Variants in ATG10 observed in about 807,000 individuals in gnomAD.
The protein encoded by ATG10 is ubiquitin-like-conjugating enzyme ATG10.
Under a neutral mutation model 32.1 loss-of-function variants are expected in ATG10, and 30 were observed. That is an observed-to-expected ratio of 0.94 (90% CI 0.70 to 1.27). The LOEUF (loss-of-function observed/expected upper bound fraction) is 1.27, where lower values mean the gene tolerates loss of function less well. Ranked by LOEUF, ATG10 falls within the 50% of genes most tolerant of loss-of-function variation. The pLI, the probability that ATG10 is intolerant of heterozygous loss-of-function variation, is 0.00. For synonymous variants in ATG10, 87 were observed against 91.5 expected, an observed-to-expected ratio of 0.95 and a Z score of 0.28; for missense variants, 233 against 262.3, an observed-to-expected ratio of 0.89 and a Z score of 0.77.
intron 5 of ATG10, among the ~76,000 whole-genome samples, chr5:82,234,580 C>G (rs1746488790): frequency 6.6e-6 from 1 of 152,224 alleles, no homozygotes; most frequent in African/African-American, 2.4e-5. Flanking sequence ...CACGCTAGCT[C>G]TGAAAAGATT....
At position 82,091,379 on chromosome 5, in the gene ATG10, C is replaced by CTT. The variant is rs535670575; in HGVS notation, c.216+32784_216+32785dup. Among the ~76,000 whole-genome samples, 367 of 151,812 alleles carry CTT rather than the reference C, an allele frequency of 2.4e-3. 2 individuals are homozygous for CTT. The highest frequency in any genetic ancestry group is 8.5e-3 in the African/African-American group (353 of 41,398). On this transcript the variant is annotated intron_variant, in intron 3 of 7. Transcript: ENST00000282185. ...GCCACCATGCCTGACTTATTTCTGC[C>CTT]TTTTTTTTAGCTTTTTTCCTCTCCA...
chr5:81,994,280 T>G (rs973466795), intron 2 of ATG10, among the ~76,000 whole-genome samples: 1 of 152,228 alleles, frequency 6.6e-6, no homozygotes, highest in Non-Finnish European at 1.5e-5. Flanking sequence ...TCCTGCTACC[T>G]TTCTAGCTTC....
chr5:82,177,596 T>C (rs898527355), intron 4 of ATG10, among the ~76,000 whole-genome samples: 2 of 152,122 alleles, frequency 1.3e-5, no homozygotes, highest in African/African-American at 4.8e-5. Context: ...TCCAGTAGTG[T>C]ATGGTTTGAA....
rs542206835 is a variant in ATG10 at position 81,996,872 on chromosome 5, A to C, written c.108+9194A>C. Among the ~76,000 whole-genome samples, 147 of 152,338 alleles carry C rather than the reference A, an allele frequency of 9.6e-4. 1 individual carries two copies. Among genetic ancestry groups the C allele is most frequent in the Non-Finnish European group, 1.7e-3 (117 of 68,032 alleles). On this transcript the variant is annotated intron_variant, in intron 2 of 7. Transcript: ENST00000282185. ...AGTTACCATGTACATGATTATAAGG[A>C]TAATGAGAAAACAAATATGAAAGTA... is the stretch of plus-strand genomic sequence containing the variant.
intron 2 of ATG10, chr5:82,009,762 T>A (rs1032148580): frequency 1.2e-6 from 2 of 1,606,252 alleles, no homozygotes; most frequent in African/African-American, 1.3e-5. Context: ...GATGAAAAAC[T>A]GGGAGCCATT....
intron 2 of ATG10, among the ~76,000 whole-genome samples, chr5:82,055,803 A>G (rs542967104): frequency 1.3e-5 from 2 of 152,332 alleles, no homozygotes; most frequent in Admixed American, 6.5e-5. Context: ...CAGTGTTCCC[A>G]TGAGATTATA....
chr5:82,037,224 A>G (rs1161043420), intron 2 of ATG10, among the ~76,000 whole-genome samples: 1 of 120,980 alleles, frequency 8.3e-6, no homozygotes, highest in Non-Finnish European at 1.7e-5. Flanking sequence ...TTGTAATAAG[A>G]TCTCATTTAC....
At chr5:82,209,708 T>C (rs1745426013) in intron 5 of ATG10, among the ~76,000 whole-genome samples, 2 of 152,238 alleles carry the variant, frequency 1.3e-5, no homozygotes, top group African/African-American at 4.8e-5. Context: ...TTCCTTTTAA[T>C]TTGTGGCTTG....
At chr5:82,056,993 GTAATTCCA>G (rs1485414604) in intron 2 of ATG10, among the ~76,000 whole-genome samples, 3 of 151,626 alleles carry the variant, frequency 2.0e-5, no homozygotes, top group Non-Finnish European at 4.4e-5. Context: ...ATTTAAAACA[GTAATTCCA>G]TCTACAAAAT....
chr5:82,182,108 G>A (rs554575634), intron 5 of ATG10, among the ~76,000 whole-genome samples: 2 of 152,098 alleles, frequency 1.3e-5, no homozygotes, highest in Non-Finnish European at 2.9e-5. Context: ...TCTTGGCATG[G>A]CCTAAAGTCA....
At chr5:82,087,004 A>C (rs536708740) in intron 3 of ATG10, among the ~76,000 whole-genome samples, 1 of 152,310 alleles carries the variant, frequency 6.6e-6, no homozygotes, top group South Asian at 2.1e-4. Flanking sequence ...TCTTTTCAAA[A>C]TAATTGCCTT....
chr5:81,995,849 C>G (rs139855868), intron 2 of ATG10, among the ~76,000 whole-genome samples: 93 of 152,172 alleles, frequency 6.1e-4, no homozygotes, highest in African/African-American at 2.0e-3. Flanking sequence ...ATTTAAAAGT[C>G]CAGTGTATAA....
At chr5:82,191,933 C>T (rs756451323) in intron 5 of ATG10, among the ~76,000 whole-genome samples, 3 of 152,308 alleles carry the variant, frequency 2.0e-5, no homozygotes, top group Non-Finnish European at 2.9e-5. Flanking sequence ...CCTTCCTGTA[C>T]AGCAGACACT....
chr5:82,196,270 AT>A (rs1744847927), intron 5 of ATG10, among the ~76,000 whole-genome samples: 2 of 152,116 alleles, frequency 1.3e-5, no homozygotes, highest in Admixed American at 1.3e-4. Context: ...TTTAAAGTAT[AT>A]TTTGAATACT....
intron 3 of ATG10, among the ~76,000 whole-genome samples, chr5:82,075,635 A>G (rs1764251195): frequency 6.6e-6 from 1 of 152,184 alleles, no homozygotes; most frequent in Middle Eastern, 3.2e-3. Flanking sequence ...TATTTTTTCA[A>G]AGCAAAAATG....
chr5:82,068,787 A>C (rs1240444504), intron 3 of ATG10, among the ~76,000 whole-genome samples: 1 of 149,162 alleles, frequency 6.7e-6, no homozygotes, highest in Non-Finnish European at 1.5e-5. Context: ...AAAAGACAAT[A>C]GGTTGTTGGG....
At chr5:82,251,180 G>A (rs562534946) in intron 5 of ATG10, among the ~76,000 whole-genome samples, 1 of 152,286 alleles carries the variant, frequency 6.6e-6, no homozygotes, top group Admixed American at 6.5e-5. Flanking sequence ...AATACAAGAG[G>A]AATTGTCCCT....
chr5:82,104,599 T>G (rs1306437093), intron 3 of ATG10, among the ~76,000 whole-genome samples: 3 of 152,098 alleles, frequency 2.0e-5, no homozygotes, highest in Non-Finnish European at 2.9e-5. Context: ...TCTGTACTGG[T>G]TTTGGTTGTC....
Position 82,252,578 on chromosome 5 carries a change from G to C in ATG10, c.470G>C (p.Gly157Ala), listed in dbSNP as rs764123535. The change falls in exon 6 of 8, where the codon GGG becomes GCG. Residue 157 changes from glycine (G) to alanine (A), a missense_variant. By Grantham distance (60) the Gly-to-Ala change is moderately conservative. Transcript: ENST00000282185. The stretch of plus-strand genomic sequence containing the variant: ...TTCTTACAGGAACATCCAATACTTG[G>C]GCAACCCTTTTTTGTACTTCATCCC... ...TITQQEHPIL[G>A]QPFFVLHPCK... 1 of 1,607,494 alleles carries C rather than the reference G, an allele frequency of 6.2e-7. No homozygotes were observed. The highest frequency in any genetic ancestry group is 8.5e-7 in the Non-Finnish European group (1 of 1,175,740).
Sources: allele counts gnomAD v4.1 joint callset (sites outside exome capture counted in the v4.1 genomes callset), GRCh38; gene constraint gnomAD v4.1.1; transcripts MANE v1.5; gene names NCBI Gene and HGNC (gene_info 2026-07-23, HGNC 2026-07-21).